The following CYGB variants were observed in gnomAD, a reference collection of about 807,000 sequenced individuals.
CYGB encodes the protein histoglobin.
Under a neutral mutation model 20.7 loss-of-function variants are expected in CYGB, and 13 were observed. The observed-to-expected ratio is 0.63, with a 90% CI of 0.41 to 1.00. CYGB has a LOEUF of 1.00. Among genes scored for constraint, CYGB ranks in the 50% least tolerant of loss-of-function variants. The pLI is 0.00. For missense variants in CYGB, 218 were observed against 257.2 expected (o/e 0.85, Z 1.04); for synonymous variants, 93 against 107.4 (o/e 0.87, Z 0.83).
Position 76,533,875 on chromosome 17 carries a change from A to C in CYGB, c.144-2184T>G, listed in dbSNP as rs2074879592. Among the ~76,000 whole-genome samples the C allele has an allele frequency of 6.6e-6, 1 of 152,072 alleles. No homozygotes were observed. Among genetic ancestry groups the C allele is most frequent in the Admixed American group, 6.6e-5 (1 of 15,256 alleles). ...TGAGATCCTGTCTCCAGAAAAAAAG[A>C]AAAAAATTGGCTGGGTGTGGTGGTG... On this transcript the variant is annotated intron_variant, in intron 1 of 3. Transcript: ENST00000293230. The surrounding 1 kb of genome is among the most constrained non-coding windows in gnomAD (Gnocchi z 4.5).
rs1157597698 is a variant in CYGB at position 76,531,310 on chromosome 17, C to T, written c.375+150G>A. Reference sequence around the variant, plus strand: ...ACAAGGGTTGCCCTGGACCCAGCCCCTCCATCCTGCTGCCGGGCACTGCCC... The same window carrying T: ...ACAAGGGTTGCCCTGGACCCAGCCCTTCCATCCTGCTGCCGGGCACTGCCC... On this transcript the variant is annotated intron_variant, in intron 2 of 3. Transcript: ENST00000293230. This position sits in a 1 kb window ranked among gnomAD's most constrained non-coding sequence, Gnocchi z 7.4. 12 of 1,199,034 alleles carry T rather than the reference C, an allele frequency of 1.0e-5. No homozygotes were observed. In the Admixed American group the frequency reaches 2.4e-4, roughly 24 times the overall value. The allele number at this position is 1,199,034 out of a possible 1,614,324, so 74.3% of individuals were successfully genotyped here.
At chr17:76,544,626 C>T (rs1402488672) in intron 1 of CYGB, 3 of 456,796 alleles carry the variant, frequency 6.6e-6, no homozygotes, top group South Asian at 1.5e-5. Context: ...CCTGTCTCAG[C>T]TCCTGTCAGC....
In CYGB at chr17:76,527,702, G is replaced by GA. The variant is rs772132310; in HGVS notation, c.*875dup. The GA allele has an allele frequency of 8.8e-6, 4 of 453,914 alleles. No individual in the cohort carries two copies. Among genetic ancestry groups the GA allele is most frequent in the African/African-American group, 4.0e-5 (2 of 49,968 alleles). 28.1% of individuals were successfully genotyped at this position (453,914 alleles called of 1,614,324 possible). On this transcript the variant is annotated 3_prime_UTR_variant, in exon 4 of 4. Coordinates refer to ENST00000293230, the MANE Select transcript of CYGB (RefSeq NM_134268.5). ...CGCCGACCTGCTGCCCAGCAGCCCG[G>GA]ATCCCCCGGGGCTGCCCTGGTGGCC...
rs2074935527 is a variant in CYGB, at chr17:76,537,660, T to G, written c.-118A>C. ...GCGTGCGCGGCGGGCGGGCGAGGGG[T>G]AGAGCGCGGAGGGAGGGAGCGTGTG... On this transcript the variant is annotated 5_prime_UTR_variant, in exon 1 of 4. Transcript: ENST00000293230. 1 of 901,564 alleles carries G rather than the reference T, an allele frequency of 1.1e-6. No homozygotes were observed. The highest frequency in any genetic ancestry group is 1.3e-6 in the Non-Finnish European group (1 of 765,276). The allele number at this position is 901,564 out of a possible 1,614,324, so 55.8% of individuals were successfully genotyped here. A position where few individuals can be genotyped will look rare whatever the true frequency, so the allele number is the denominator to read the frequency against.
At chr17:76,535,332 G>A (rs2074903036) in intron 1 of CYGB, among the ~76,000 whole-genome samples, 1 of 152,200 alleles carries the variant, frequency 6.6e-6, no homozygotes, top group Non-Finnish European at 1.5e-5. Context: ...TTGAGGATGT[G>A]TATGTTGTGT....
chr17:76,545,388 T>A (rs1177573519), intron 1 of CYGB: 1 of 456,596 alleles, frequency 2.2e-6, no homozygotes, highest in East Asian at 6.9e-5. Context: ...CCACTGAGGC[T>A]GAGTCCTTTT....
intron 1 of CYGB, among the ~76,000 whole-genome samples, chr17:76,534,098 TTTTTC>T (rs1308189449): frequency 1.1e-3 from 5 of 4,538 alleles, no homozygotes; most frequent in South Asian, 0.056. Context: ...ACCTTTTTTC[TTTTTC>T]TTTCTTTCTT....
intron 1 of CYGB, among the ~76,000 whole-genome samples, chr17:76,543,633 C>T (rs1396060777): frequency 1.3e-5 from 2 of 152,208 alleles, no homozygotes; most frequent in African/African-American, 2.4e-5. Flanking sequence ...CCATGGCAGG[C>T]GGCCTCCCCC....
chr17:76,540,091 G>C, upstream of CYGB: 7 of 1,561,166 alleles, frequency 4.5e-6, no homozygotes, highest in Non-Finnish European at 6.1e-6. The surrounding 1 kb of genome is among the most constrained non-coding windows in gnomAD (Gnocchi z 5.0). Flanking sequence ...TTGGCCCCTC[G>C]CCTGTGGCCT....
chr17:76,547,862 C>T (rs2075068967), intron 1 of CYGB, among the ~76,000 whole-genome samples: 2 of 150,446 alleles, frequency 1.3e-5, no homozygotes, highest in African/African-American at 4.9e-5. Flanking sequence ...CAGACATACA[C>T]ATATACATAT....
chr17:76,545,189 C>A (rs1398353711), intron 1 of CYGB: 1 of 456,672 alleles, frequency 2.2e-6, no homozygotes, highest in African/African-American at 2.0e-5. Flanking sequence ...GCTCTCTGCG[C>A]AGTCTGCACA....
upstream of CYGB, chr17:76,540,263 G>GGGGGGGGGGGGGGGGC: frequency 3.3e-6 from 2 of 610,884 alleles, no homozygotes; most frequent in Admixed American, 2.7e-5. This position sits in a 1 kb window ranked among gnomAD's most constrained non-coding sequence, Gnocchi z 5.0. Context: ...GGGGGGGGGG[G>GGGGGGGGGGGGGGGGC]CATGGGGCTG....
upstream of CYGB, among the ~76,000 whole-genome samples, chr17:76,539,384 A>G (rs1164338401): frequency 1.3e-5 from 2 of 152,248 alleles, no homozygotes; most frequent in East Asian, 1.9e-4. Flanking sequence ...AGTCTAGCAT[A>G]TAATTTGTAA....
Position 76,533,135 on chromosome 17 carries a change from C to T in CYGB, c.144-1444G>A, listed in dbSNP as rs1047548251. On this transcript the variant is annotated intron_variant, in intron 1 of 3. Coordinates refer to ENST00000293230, the MANE Select transcript of CYGB (RefSeq NM_134268.5). The surrounding 1 kb of genome is among the most constrained non-coding windows in gnomAD (Gnocchi z 4.5). ...CTGCTGCTGGTGGAACTGCTATTGG[C>T]GGGGAAGTTTGCACAGTGACCAGGG... Among the ~76,000 whole-genome samples, 2 of 152,202 alleles carry T rather than the reference C, an allele frequency of 1.3e-5. No individual in the cohort carries two copies. The highest frequency in any genetic ancestry group is 2.1e-4 in the South Asian group (1 of 4,804).
chr17:76,537,381 C>G lies in CYGB; in HGVS notation c.143+19G>C, dbSNP rs762900166. ...CCGCCCTCCCTGCCCAGGGCCCGGC[C>G]GGGCCGGGCGACACCTACCTCACCA... On this transcript the variant is annotated intron_variant, in intron 1 of 3. Transcript: ENST00000293230. 1 of 1,576,802 alleles carries G rather than the reference C, an allele frequency of 6.3e-7. No homozygotes were observed. Among genetic ancestry groups the G allele is most frequent in the Admixed American group, 1.8e-5 (1 of 56,962 alleles).
chr17:76,534,144 CTT>C (rs1491221325), intron 1 of CYGB, among the ~76,000 whole-genome samples: 2,753 of 108,634 alleles, frequency 0.025, 37 homozygotes, highest in Non-Finnish European at 0.03. Context: ...CTCTCTTTCT[CTT>C]TCTCTCTCTC....
upstream of CYGB, chr17:76,542,503 T>C: frequency 6.2e-7 from 1 of 1,609,150 alleles, no homozygotes; most frequent in Non-Finnish European, 8.5e-7. Flanking sequence ...GTCAGAAACA[T>C]GGGAAGGTCG....
upstream of CYGB, chr17:76,540,469 G>A (rs528833785): frequency 1.9e-6 from 3 of 1,608,928 alleles, no homozygotes; most frequent in South Asian, 2.2e-5. This position sits in a 1 kb window ranked among gnomAD's most constrained non-coding sequence, Gnocchi z 5.0. Flanking sequence ...GCTGGGCACA[G>A]CCATAGCTCT....
Position 76,530,048 on chromosome 17 carries a change from G to C in CYGB, c.539+931C>G. ...TGTGAACAGAAGGGCCGGCAGTCTT[G>C]GGGGCCCGTGCAGAGCCCGGCGGGA... On this transcript the variant is annotated intron_variant, in intron 3 of 3. Transcript: ENST00000293230. The surrounding 1 kb of genome is among the most constrained non-coding windows in gnomAD (Gnocchi z 6.1). 1.0e-6 allele frequency: 1 copy of C among 985,406 alleles called. No individual in the cohort carries two copies. Among genetic ancestry groups the C allele is most frequent in the Non-Finnish European group, 1.2e-6 (1 of 829,918 alleles). 61.0% of individuals were successfully genotyped at this position (985,406 alleles called of 1,614,324 possible). A position where few individuals can be genotyped will look rare whatever the true frequency, so the allele number is the denominator to read the frequency against.
Sources: allele counts gnomAD v4.1 joint callset (sites outside exome capture counted in the v4.1 genomes callset), GRCh38; gene constraint gnomAD v4.1.1; non-coding constraint Gnocchi (gnomAD v3.1); transcripts MANE v1.5; gene names NCBI Gene and HGNC (gene_info 2026-07-23, HGNC 2026-07-21).